NEAT1: variants seen among roughly 807,000 people sequenced by gnomAD.
NEAT1 encodes the protein MENepsilon/beta.
At chr11:65,424,061 G>A (rs1856534873) in exon 1 of NEAT1, 1 of 152,406 alleles carries the variant, frequency 6.6e-6, no homozygotes, top group Non-Finnish European at 1.5e-5. Flanking sequence ...GAGAGAGCCC[G>A]CCTCAATTGA....
chr11:65,434,539 A>G (rs145330041), exon 1 of NEAT1: 113 of 152,248 alleles, frequency 7.4e-4, no homozygotes, highest in African/African-American at 2.6e-3. Context: ...TCTGCACTGT[A>G]TGTCTGTGAG....
exon 1 of NEAT1, chr11:65,426,546 A>G (rs143065999): frequency 9.8e-5 from 15 of 152,346 alleles, no homozygotes; most frequent in East Asian, 9.6e-4. Context: ...TTGTATTGCT[A>G]TGTTACATTT....
chr11:65,437,051 T>C (rs986590443), exon 1 of NEAT1: 1 of 151,952 alleles, frequency 6.6e-6, no homozygotes, highest in Non-Finnish European at 1.5e-5. Flanking sequence ...TTTGGATTTG[T>C]ATTTCTATTG....
exon 1 of NEAT1, chr11:65,437,058 A>G (rs920053890): frequency 2.6e-5 from 4 of 151,830 alleles, no homozygotes; most frequent in Admixed American, 1.3e-4. Context: ...TTGTATTTCT[A>G]TTGGGTTGTA....
At chr11:65,436,073 T>G (rs925704021) in exon 1 of NEAT1, 3 of 152,222 alleles carry the variant, frequency 2.0e-5, no homozygotes, top group African/African-American at 7.2e-5. Flanking sequence ...GCACACACTT[T>G]CTGTCTTCTA....
At chr11:65,444,159 A>T (rs1351599539) in exon 1 of NEAT1, 2 of 279,620 alleles carry the variant, frequency 7.2e-6, no homozygotes, top group Non-Finnish European at 1.4e-5. Context: ...GGCTTGAGCA[A>T]AGTGGGGGAG....
exon 1 of NEAT1, chr11:65,434,656 G>C (rs949318698): frequency 1.3e-5 from 2 of 152,132 alleles, no homozygotes; most frequent in African/African-American, 4.8e-5. Flanking sequence ...CACAATGCAT[G>C]AGTGTTTCTC....
exon 1 of NEAT1, chr11:65,444,577 G>A (rs746061844): frequency 1.3e-5 from 6 of 469,862 alleles, no homozygotes; most frequent in African/African-American, 6.0e-5. Flanking sequence ...AGCAGAGCTC[G>A]TGGGGGGCTC....
At chr11:65,444,739 T>G (rs887350770) in exon 1 of NEAT1, 1 of 320,174 alleles carries the variant, frequency 3.1e-6, no homozygotes, top group Non-Finnish European at 6.2e-6. Flanking sequence ...CCTGGTGACT[T>G]GGACTCCAGG....
exon 1 of NEAT1, chr11:65,430,058 G>T (rs544784550): frequency 1.3e-5 from 2 of 152,384 alleles, no homozygotes; most frequent in African/African-American, 4.8e-5. Context: ...CACTGGAGCT[G>T]GTTCGAATCC....
chr11:65,433,591 A>G (rs1856631981), exon 1 of NEAT1: 1 of 152,146 alleles, frequency 6.6e-6, no homozygotes, highest in Admixed American at 6.5e-5. Flanking sequence ...ACTCCTCTCC[A>G]CTTAAATTAA....
exon 1 of NEAT1, chr11:65,439,776 G>A (rs779268787): frequency 6.6e-6 from 1 of 152,042 alleles, no homozygotes; most frequent in African/African-American, 2.4e-5. Context: ...TAAGGTCTTG[G>A]GGGGGGTGTC....
chr11:65,441,002 A>T (rs1856709445), exon 1 of NEAT1: 1 of 151,818 alleles, frequency 6.6e-6, no homozygotes, highest in Non-Finnish European at 1.5e-5. Flanking sequence ...GAGCCCAAAA[A>T]CTTGGTTTCT....
chr11:65,443,150 A>G (rs1856729939), exon 1 of NEAT1: 1 of 152,160 alleles, frequency 6.6e-6, no homozygotes, highest in African/African-American at 2.4e-5. Flanking sequence ...ATCCTGTGTA[A>G]TGACAAGTGA....
exon 1 of NEAT1, chr11:65,431,368 C>T (rs761117726): frequency 3.9e-5 from 6 of 152,136 alleles, no homozygotes; most frequent in Non-Finnish European, 8.8e-5. Context: ...AAGTATAATG[C>T]TGTAATGTAC....
chr11:65,423,257 C>G (rs1856518635), exon 1 of NEAT1: 2 of 152,738 alleles, frequency 1.3e-5, no homozygotes, highest in African/African-American at 2.4e-5. Context: ...GAGGGCTAAT[C>G]TTCAACTTGT....
At chr11:65,423,793 G>C (rs549331751) in exon 1 of NEAT1, 1 of 152,384 alleles carries the variant, frequency 6.6e-6, no homozygotes, top group Non-Finnish European at 1.5e-5. Flanking sequence ...AGTCGGTATT[G>C]TTGGTAATGG....
chr11:65,436,300 T>A (rs952090011), exon 1 of NEAT1: 22 of 152,250 alleles, frequency 1.4e-4, no homozygotes, highest in African/African-American at 5.3e-4. Flanking sequence ...CTGTTACTCT[T>A]CTGTCAAGGT....
At chr11:65,425,838 CA>C (rs1252180565) in exon 1 of NEAT1, 1 of 152,108 alleles carries the variant, frequency 6.6e-6, no homozygotes, top group Non-Finnish European at 1.5e-5. Context: ...GTCTTTGTAA[CA>C]ACCAAATAAC....
Sources: allele counts gnomAD v4.1 joint callset, GRCh38; gene constraint gnomAD v4.1.1; transcripts MANE v1.5; gene names NCBI Gene and HGNC (gene_info 2026-07-23, HGNC 2026-07-21).